PANK2: variants seen among roughly 807,000 people sequenced by gnomAD.
PANK2 encodes pantothenate kinase 2, also known as pantothenate kinase 2, mitochondrial.
In PANK2, 36 loss-of-function variants were observed where a neutral mutation model predicts 43.1. The ratio of observed to expected loss-of-function variants is 0.84; its 90% CI spans 0.64 to 1.10. The LOEUF (loss-of-function observed/expected upper bound fraction) is 1.10. PANK2 is among the 50% of genes least tolerant of loss of function. The probability of loss-of-function intolerance (pLI) is 0.00; values close to 1 mark genes in which losing one functional copy is unlikely to be tolerated. For missense variants in PANK2, 576 were observed against 593.3 expected (o/e 0.97, Z 0.30); for synonymous variants, 281 against 238.2 (o/e 1.18, Z -1.66).
intron 4 of PANK2, among the ~76,000 whole-genome samples, chr20:3,913,394 A>C (rs923271235): frequency 6.6e-6 from 1 of 151,984 alleles, no homozygotes. Flanking sequence ...CCCAGGCTGG[A>C]GTGCAATGGC....
intron 1 of PANK2, among the ~76,000 whole-genome samples, chr20:3,905,759 A>G (rs2090376088): frequency 7.4e-6 from 1 of 135,814 alleles, no homozygotes; most frequent in Non-Finnish European, 1.6e-5. Flanking sequence ...TCTGTCACCC[A>G]GGCTGTAGTG....
chr20:3,890,444 C>G (rs1277814565), intron 1 of PANK2, among the ~76,000 whole-genome samples: 1 of 152,196 alleles, frequency 6.6e-6, no homozygotes, highest in African/African-American at 2.4e-5. Flanking sequence ...ATCCGTTTCC[C>G]CATTTTATTA....
rs1167616042 is a variant in PANK2 at position 3,912,601 on chromosome 20, G to A, written c.1049G>A (p.Arg350Lys). The A allele has an allele frequency of 1.2e-6, 2 of 1,613,988 alleles. No individual in the cohort carries two copies. Among genetic ancestry groups the A allele is most frequent in the Non-Finnish European group, 1.7e-6 (2 of 1,180,026 alleles). Residue 350 changes from arginine to lysine, a missense_variant, in exon 4 of 7, where the codon AGG becomes AAG. Coordinates refer to ENST00000610179, the MANE Select transcript of PANK2 (RefSeq NM_001386393.1). ...GATATTTATGGAGGGGACTATGAGA[G>A]GTTTGGACTGCCAGGCTGGGCTGTG...
intron 2 of PANK2, chr20:3,908,775 C>A: frequency 5.0e-6 from 1 of 200,680 alleles, no homozygotes; most frequent in Non-Finnish European, 1.0e-5. Context: ...GCAGAGCCCT[C>A]CTCTCCCAGA....
rs1375468611 is a variant in PANK2, at chr20:3,928,934, T to C, written c.*5640T>C. The C allele has an allele frequency of 1.3e-5, 2 of 151,732 alleles. No individual in the cohort carries two copies. Among genetic ancestry groups the C allele is most frequent in the Non-Finnish European group, 2.9e-5 (2 of 67,904 alleles). 9.4% of individuals were successfully genotyped at this position (151,732 alleles called of 1,614,324 possible). ...GGGGATCTTGGCTCACTGCAACTTC[T>C]GTCTCCCGGGTTCAATCAATTCTCC... On this transcript the variant is annotated 3_prime_UTR_variant, in exon 7 of 7. Transcript: ENST00000610179.
intron 6 of PANK2, among the ~76,000 whole-genome samples, chr20:3,921,098 C>T (rs983668892): frequency 1.3e-5 from 2 of 152,048 alleles, no homozygotes; most frequent in South Asian, 4.1e-4. Flanking sequence ...ATGTGCACAA[C>T]GCGCAGGTTT....
chr20:3,913,644 T>C (rs2090505439), intron 4 of PANK2, among the ~76,000 whole-genome samples: 1 of 148,510 alleles, frequency 6.7e-6, no homozygotes, highest in East Asian at 2.1e-4. Context: ...TGCCACATAA[T>C]ATTTCATTAC....
chr20:3,922,174 A>G (rs928307018), intron 6 of PANK2, among the ~76,000 whole-genome samples: 7 of 152,242 alleles, frequency 4.6e-5, no homozygotes, highest in Admixed American at 3.9e-4. Context: ...GGATCTTCTC[A>G]TTCCTTTTTT....
intron 1 of PANK2, among the ~76,000 whole-genome samples, chr20:3,896,250 T>TTTTTTTG (rs1164849334): frequency 1.8e-5 from 2 of 110,606 alleles, no homozygotes; most frequent in Admixed American, 9.7e-5. Context: ...TTTTTTTTTT[T>TTTTTTTG]TGTATTTTTA....
At chr20:3,902,002 C>G (rs1248684547) in intron 1 of PANK2, among the ~76,000 whole-genome samples, 1 of 151,844 alleles carries the variant, frequency 6.6e-6, no homozygotes, top group African/African-American at 2.4e-5. Flanking sequence ...CTTGAAATTT[C>G]AATAGGATGT....
intron 1 of PANK2, among the ~76,000 whole-genome samples, chr20:3,902,166 T>C (rs971933385): frequency 6.7e-6 from 1 of 149,366 alleles, no homozygotes; most frequent in African/African-American, 2.4e-5. Context: ...CCTCTCTCTT[T>C]TTTTTTTTTT....
rs112587509 is a variant in PANK2 at position 3,894,059 on chromosome 20, G to A, written c.298+4331G>A. On this transcript the variant is annotated intron_variant, in intron 1 of 6. Coordinates refer to ENST00000610179, the MANE Select transcript of PANK2 (RefSeq NM_001386393.1). The stretch of plus-strand genomic sequence containing the variant: ...CAATTCTCCTGCCTCAGACTCGCAA[G>A]TAGCTGGGATTACAGGCATGTACCA... Among the ~76,000 whole-genome samples, 836 of 150,550 alleles carry A rather than the reference G, an allele frequency of 5.6e-3. 7 individuals carry two copies. Among genetic ancestry groups the A allele is most frequent in the African/African-American group, 0.019 (774 of 40,944 alleles).
At chr20:3,905,421 G>T (rs1053687526) in intron 1 of PANK2, among the ~76,000 whole-genome samples, 1 of 145,628 alleles carries the variant, frequency 6.9e-6, no homozygotes, top group Non-Finnish European at 1.5e-5. Flanking sequence ...CATGATCTCC[G>T]CTCACTGCTC....
At chr20:3,915,935 C>T (rs914242602) in intron 4 of PANK2, among the ~76,000 whole-genome samples, 10 of 151,926 alleles carry the variant, frequency 6.6e-5, no homozygotes, top group Non-Finnish European at 1.2e-4. Context: ...GTTCTTTTTT[C>T]GAGATTATTT....
intron 4 of PANK2, among the ~76,000 whole-genome samples, chr20:3,913,731 A>G (rs2090506769): frequency 6.6e-6 from 1 of 150,912 alleles, no homozygotes; most frequent in Non-Finnish European, 1.5e-5. Context: ...TATAATGTTG[A>G]ACATTTATAT....
intron 1 of PANK2, among the ~76,000 whole-genome samples, chr20:3,906,648 G>C (rs966034842): frequency 5.3e-5 from 8 of 151,658 alleles, no homozygotes; most frequent in African/African-American, 1.9e-4. Flanking sequence ...ATTGAATACT[G>C]TACTAAAAAT....
chr20:3,902,174 T>C (rs1227330592), intron 1 of PANK2, among the ~76,000 whole-genome samples: 1 of 151,156 alleles, frequency 6.6e-6, no homozygotes, highest in Non-Finnish European at 1.5e-5. Flanking sequence ...TTTTTTTTTT[T>C]TTTTTAGTTA....
chr20:3,914,712 G>T (rs2090531044), intron 4 of PANK2, among the ~76,000 whole-genome samples: 1 of 151,896 alleles, frequency 6.6e-6, no homozygotes. Context: ...TGATTCTTCT[G>T]CTTCACCTCG....
chr20:3,910,530 T>G, intron 2 of PANK2, 47 bp from the exon 3 acceptor site: 2 of 1,611,416 alleles, frequency 1.2e-6, no homozygotes, highest in Non-Finnish European at 1.7e-6. Flanking sequence ...AATTTTTGTT[T>G]CTGTTGGCTT....
Sources: allele counts gnomAD v4.1 joint callset (sites outside exome capture counted in the v4.1 genomes callset), GRCh38; gene constraint gnomAD v4.1.1; transcripts MANE v1.5; gene names NCBI Gene and HGNC (gene_info 2026-07-23, HGNC 2026-07-21).